The following DNAH7 variants were observed in gnomAD, a reference collection of about 807,000 sequenced individuals.
DNAH7 encodes the protein dynein axonemal heavy chain 7.
A neutral mutation model predicts 444.6 loss-of-function variants in DNAH7; 397 were observed. That is an observed-to-expected ratio of 0.89 (90% CI 0.82 to 0.97). The LOEUF (loss-of-function observed/expected upper bound fraction) is 0.97, where lower values mean the gene tolerates loss of function less well. Among genes scored for constraint, DNAH7 ranks in the 50% least tolerant of loss-of-function variants. The pLI is 0.00. For missense variants in DNAH7, 4,902 were observed against 4,800.8 expected (o/e 1.02, Z -0.62); for synonymous variants, 1,636 against 1,624.4 (o/e 1.01, Z -0.17).
intron 24 of DNAH7, among the ~76,000 whole-genome samples, chr2:195,913,136 G>A (rs1687458037): frequency 6.6e-6 from 1 of 152,020 alleles, no homozygotes; most frequent in African/African-American, 2.4e-5. Context: ...CTTTCTGCTT[G>A]CATCCTAAAA....
At chr2:195,925,434 G>A (rs1404033353) in intron 22 of DNAH7, among the ~76,000 whole-genome samples, 1 of 152,138 alleles carries the variant, frequency 6.6e-6, no homozygotes, top group African/African-American at 2.4e-5. Flanking sequence ...TACACATGGG[G>A]AGAAACACCC....
intron 51 of DNAH7, among the ~76,000 whole-genome samples, chr2:195,812,956 A>T (rs1459512100): frequency 3.9e-5 from 6 of 152,212 alleles, no homozygotes; most frequent in Non-Finnish European, 8.8e-5. Context: ...AACAAAAAAA[A>T]GATTAAATAG....
intron 47 of DNAH7, among the ~76,000 whole-genome samples, chr2:195,843,152 C>T (rs1698788494): frequency 6.6e-6 from 1 of 152,192 alleles, no homozygotes; most frequent in African/African-American, 2.4e-5. Flanking sequence ...GATCTCCCAC[C>T]TGTGTCAATC....
chr2:195,892,760 C>T (rs1431622261), intron 30 of DNAH7: 1 of 151,852 alleles, frequency 6.6e-6, no homozygotes, highest in African/African-American at 2.4e-5. Flanking sequence ...CATTATAGTA[C>T]CATACAGAAC....
At chr2:195,786,421 T>C (rs1253116513) in intron 58 of DNAH7, among the ~76,000 whole-genome samples, 1 of 152,124 alleles carries the variant, frequency 6.6e-6, no homozygotes, top group Non-Finnish European at 1.5e-5. Flanking sequence ...CATTGATAAA[T>C]AGCAAAGAGA....
chr2:195,914,807 G>A (rs941182310), intron 24 of DNAH7, among the ~76,000 whole-genome samples: 1 of 152,100 alleles, frequency 6.6e-6, no homozygotes, highest in Non-Finnish European at 1.5e-5. Context: ...GGGATTACAG[G>A]CATGTACCAC....
chr2:195,803,030 C>T (rs1397121922), intron 54 of DNAH7, among the ~76,000 whole-genome samples: 1 of 152,194 alleles, frequency 6.6e-6, no homozygotes, highest in African/African-American at 2.4e-5. Flanking sequence ...AGATGTCAAA[C>T]TTATTGTCAG....
At position 196,000,729 on chromosome 2, in the gene DNAH7, A is replaced by T. The variant is rs756121668; in HGVS notation, c.1328T>A (p.Val443Asp). Reference protein sequence around the residue: ...MIKAVSFVPRVETKLYSKWES... With the variant: ...MIKAVSFVPRDETKLYSKWES... ...CCACTTGGAATACAATTTTGTCTCAACTCTTGGCACAAAACTGACAGCTTT... is the reference window on the plus strand; with the variant it reads ...CCACTTGGAATACAATTTTGTCTCATCTCTTGGCACAAAACTGACAGCTTT... Residue 443 changes from valine (V) to aspartate (D), a missense_variant, in exon 12 of 65, where the codon GTT becomes GAT. Coordinates refer to ENST00000312428, the MANE Select transcript of DNAH7 (RefSeq NM_018897.3). 2 of 1,581,470 alleles carry T rather than the reference A, an allele frequency of 1.3e-6. No individual in the cohort carries two copies. The highest frequency in any genetic ancestry group is 1.7e-6 in the Non-Finnish European group (2 of 1,164,832).
chr2:195,972,793 C>G (rs1213349877), intron 15 of DNAH7, among the ~76,000 whole-genome samples: 3 of 152,186 alleles, frequency 2.0e-5, no homozygotes, highest in Non-Finnish European at 2.9e-5. Context: ...TTATGGGCAC[C>G]TGCTATGGGC....
intron 31 of DNAH7, among the ~76,000 whole-genome samples, chr2:195,890,874 T>C (rs73040657): frequency 0.056 from 8,535 of 152,264 alleles, 390 homozygotes; most frequent in African/African-American, 0.13. Flanking sequence ...GAATGTATGG[T>C]AGTCAGAAGA....
intron 10 of DNAH7, 133 bp downstream of exon 10, chr2:196,012,654 A>C: frequency 1.1e-6 from 1 of 900,056 alleles, no homozygotes; most frequent in Non-Finnish European, 1.6e-6. Flanking sequence ...AGATAATTAA[A>C]GATATTATAT....
chr2:195,816,504 C>T (rs971238533), intron 51 of DNAH7, 124 bp downstream of exon 51: 3 of 697,880 alleles, frequency 4.3e-6, no homozygotes, highest in African/African-American at 1.8e-5. Flanking sequence ...GATGATTAAT[C>T]AAGTTCATTT....
chr2:196,038,422 A>G (rs544921228), intron 5 of DNAH7, among the ~76,000 whole-genome samples: 1 of 152,326 alleles, frequency 6.6e-6, no homozygotes. Context: ...AGAGGAGAAC[A>G]AAGGCCATAT....
intron 15 of DNAH7, among the ~76,000 whole-genome samples, chr2:195,978,911 C>A (rs1692379503): frequency 1.3e-5 from 2 of 152,028 alleles, no homozygotes; most frequent in South Asian, 4.1e-4. Flanking sequence ...CACTGGAGCA[C>A]CAGGTATATT....
At chr2:195,997,653 C>T (rs1200017437) in intron 12 of DNAH7, among the ~76,000 whole-genome samples, 1 of 151,988 alleles carries the variant, frequency 6.6e-6, no homozygotes, top group Non-Finnish European at 1.5e-5. Context: ...GGTGCGTTAA[C>T]CCATTGCAGG....
intron 57 of DNAH7, among the ~76,000 whole-genome samples, chr2:195,793,501 T>C (rs922546860): frequency 6.6e-6 from 1 of 152,170 alleles, no homozygotes; most frequent in Non-Finnish European, 1.5e-5. Flanking sequence ...GCCATCATCA[T>C]CTATCTGGGA....
At chr2:195,741,435 T>TA (rs907146726) in intron 63 of DNAH7, among the ~76,000 whole-genome samples, 1 of 152,214 alleles carries the variant, frequency 6.6e-6, no homozygotes, top group Non-Finnish European at 1.5e-5. Flanking sequence ...CACTAACAGC[T>TA]AAAGAGTACA....
At chr2:196,043,872 A>G (rs535370475) in intron 5 of DNAH7, among the ~76,000 whole-genome samples, 1 of 152,198 alleles carries the variant, frequency 6.6e-6, no homozygotes, top group South Asian at 2.1e-4. Context: ...TTACTCCTGC[A>G]AGAATGGCCA....
At chr2:195,835,673 G>A (rs1399369092) in intron 47 of DNAH7, among the ~76,000 whole-genome samples, 1 of 151,846 alleles carries the variant, frequency 6.6e-6, no homozygotes, top group Non-Finnish European at 1.5e-5. Flanking sequence ...GTGAAACTCC[G>A]TCTCTACTAA....
Sources: gnomAD v4.1 joint callset for allele counts (sites outside exome capture counted in the v4.1 genomes callset) on GRCh38, gnomAD v4.1.1 for gene constraint, MANE v1.5 for transcripts, NCBI Gene and HGNC (gene_info 2026-07-23, HGNC 2026-07-21) for gene names.